The following NELL2 variants were observed in gnomAD, a reference collection of about 807,000 sequenced individuals.
NELL2 encodes neural EGFL like 2.
A neutral mutation model predicts 109.6 loss-of-function variants in NELL2; 41 were observed. The ratio of observed to expected loss-of-function variants is 0.37; its 90% CI spans 0.29 to 0.49. The LOEUF is 0.49. Among genes scored for constraint, NELL2 ranks in the 20% least tolerant of loss-of-function variants. The pLI is 0.98. For synonymous variants in NELL2, 355 were observed against 344.7 expected, an observed-to-expected ratio of 1.03 and a Z score of -0.33; for missense variants, 900 against 1,008.3, an observed-to-expected ratio of 0.89 and a Z score of 1.45.
chr12:44,921,021 T>C (rs1053320828), intron 1 of NELL2, among the ~76,000 whole-genome samples: 3 of 152,158 alleles, frequency 2.0e-5, no homozygotes, highest in Admixed American at 6.6e-5. Flanking sequence ...GTGAAATCAT[T>C]TGAGATCCTA....
intron 3 of NELL2, among the ~76,000 whole-genome samples, chr12:44,786,033 C>A (rs7485030): frequency 6.6e-6 from 1 of 152,118 alleles, no homozygotes; most frequent in Non-Finnish European, 1.5e-5. Flanking sequence ...CAAATGGAAT[C>A]TAATTAAACT....
At position 44,865,094 on chromosome 12, in the gene NELL2, T is replaced by A. The variant is rs113655013; in HGVS notation, c.184+10131A>T. On this transcript the variant is annotated intron_variant, in intron 2 of 19. Coordinates refer to ENST00000429094, the MANE Select transcript of NELL2 (RefSeq NM_001145108.2). ...GTGTGAGATGATATCTCATAGTGGT[T>A]TTGATTTGCATTTCTCTGATGGCCA... 7.3e-3 allele frequency among the ~76,000 whole-genome samples: 960 copies of A among 131,842 alleles called. 8 individuals are homozygous for A. The highest frequency in any genetic ancestry group is 0.026 in the African/African-American group (897 of 34,392). 86.5% of individuals were successfully genotyped at this position (131,842 alleles called of 152,430 possible). A position where few individuals can be genotyped will look rare whatever the true frequency, so the allele number is the denominator to read the frequency against.
chr12:44,598,883 A>ACACACACACACACACACACACTCT (rs1265603008), intron 15 of NELL2, among the ~76,000 whole-genome samples: 1 of 143,940 alleles, frequency 6.9e-6, no homozygotes, highest in African/African-American at 2.6e-5. Flanking sequence ...ACACACACAC[A>ACACACACACACACACACACACTCT]CTCTCTCTCT....
chr12:44,736,125 C>A (rs1203916704), intron 9 of NELL2, among the ~76,000 whole-genome samples: 2 of 151,318 alleles, frequency 1.3e-5, no homozygotes, highest in East Asian at 2.0e-4. Flanking sequence ...ATTCTCCTGC[C>A]TCAGCCTCCC....
At chr12:44,776,265 T>C in intron 7 of NELL2, 115 bp from the exon 8 acceptor site, 1 of 914,674 alleles carries the variant, frequency 1.1e-6, no homozygotes, top group Non-Finnish European at 1.6e-6. Flanking sequence ...TGGCTGTGCT[T>C]ATCAACCACT....
chr12:44,804,422 A>AT, intron 3 of NELL2, among the ~76,000 whole-genome samples: 1 of 151,988 alleles, frequency 6.6e-6, no homozygotes, highest in East Asian at 1.9e-4. Flanking sequence ...GAGAAATAAG[A>AT]TTTTTTAGGT....
rs1323056862 is a variant in NELL2 at position 44,774,339 on chromosome 12, G to A, written c.994+408C>T. Among the ~76,000 whole-genome samples the A allele has an allele frequency of 2.6e-5, 4 of 152,170 alleles. No homozygotes were observed. In the East Asian group the frequency reaches 5.8e-4, roughly 22 times the overall value. ...TCCTATAATAATGTGGACTTCTGTT[G>A]TTTGGGCTAATGGAACAGCATATCT... On this transcript the variant is annotated intron_variant, in intron 9 of 19. Transcript: ENST00000429094.
At chr12:44,627,059 C>T (rs1157541745) in intron 13 of NELL2, among the ~76,000 whole-genome samples, 1 of 152,132 alleles carries the variant, frequency 6.6e-6, no homozygotes, top group East Asian at 1.9e-4. Context: ...ATGTCCCATG[C>T]TCGTCAAATT....
chr12:44,541,856 C>T (rs1193795373), intron 15 of NELL2, among the ~76,000 whole-genome samples: 1 of 152,164 alleles, frequency 6.6e-6, no homozygotes, highest in Non-Finnish European at 1.5e-5. Context: ...CTGCTATCCC[C>T]ATTTTAAATG....
intron 2 of NELL2, among the ~76,000 whole-genome samples, chr12:44,822,236 A>C (rs1378211296): frequency 6.6e-6 from 1 of 152,124 alleles, no homozygotes; most frequent in Admixed American, 6.5e-5. Context: ...TGTAGTAAAG[A>C]CCATGGGTTT....
intron 19 of NELL2, among the ~76,000 whole-genome samples, chr12:44,519,445 G>A (rs1345872006): frequency 6.6e-6 from 1 of 152,172 alleles, no homozygotes; most frequent in Non-Finnish European, 1.5e-5. Flanking sequence ...AGGAGAAAGA[G>A]CTTTGTAATG....
chr12:44,624,762 G>A (rs1418355739), intron 13 of NELL2, among the ~76,000 whole-genome samples: 2 of 150,298 alleles, frequency 1.3e-5, no homozygotes, highest in Non-Finnish European at 3.0e-5. Context: ...CAAGTTGACG[G>A]TGACTCACTA....
chr12:44,886,880 T>G (rs912972165), intron 1 of NELL2, among the ~76,000 whole-genome samples: 1 of 152,014 alleles, frequency 6.6e-6, no homozygotes, highest in African/African-American at 2.4e-5. Flanking sequence ...ATCTATTTTT[T>G]TTTAGCTCCC....
intron 2 of NELL2, among the ~76,000 whole-genome samples, chr12:44,845,522 G>C (rs1421447561): frequency 1.3e-5 from 2 of 152,220 alleles, no homozygotes; most frequent in Non-Finnish European, 2.9e-5. Context: ...CAGCCACACA[G>C]AGTTAGTGGC....
chr12:44,775,227 G>A (rs867793507), intron 8 of NELL2, among the ~76,000 whole-genome samples: 2 of 151,078 alleles, frequency 1.3e-5, no homozygotes, highest in African/African-American at 2.4e-5. Flanking sequence ...ATGCACGCAC[G>A]CACACACACA....
At chr12:44,738,720 G>T (rs1373060254) in intron 9 of NELL2, among the ~76,000 whole-genome samples, 2 of 152,146 alleles carry the variant, frequency 1.3e-5, no homozygotes, top group Non-Finnish European at 2.9e-5. Context: ...GTTATATGAT[G>T]AATAAGTTCT....
intron 3 of NELL2, among the ~76,000 whole-genome samples, chr12:44,794,224 C>T (rs1043181873): frequency 4.6e-5 from 7 of 152,112 alleles, no homozygotes; most frequent in South Asian, 2.1e-4. Flanking sequence ...TAGTACTTGC[C>T]TCATTGGATT....
At chr12:44,682,621 T>A (rs1948555503) in intron 12 of NELL2, among the ~76,000 whole-genome samples, 1 of 152,250 alleles carries the variant, frequency 6.6e-6, no homozygotes, top group Non-Finnish European at 1.5e-5. Context: ...GGATCCAGTT[T>A]CAGCTTTTTA....
intron 15 of NELL2, among the ~76,000 whole-genome samples, chr12:44,577,653 T>C (rs909308659): frequency 6.6e-6 from 1 of 151,530 alleles, no homozygotes; most frequent in Admixed American, 6.6e-5. Flanking sequence ...ATTTTTTGTA[T>C]TTTTTTAGTA....
Sources: gnomAD v4.1 joint callset for allele counts (sites outside exome capture counted in the v4.1 genomes callset) on GRCh38, gnomAD v4.1.1 for gene constraint, MANE v1.5 for transcripts, NCBI Gene and HGNC (gene_info 2026-07-23, HGNC 2026-07-21) for gene names.